The following HK2 variants were observed in gnomAD, a reference collection of about 807,000 sequenced individuals.
The protein encoded by HK2 is hexokinase 2, also known as hexokinase-2.
HK2 carries 42 observed loss-of-function variants against 92.9 expected under a neutral mutation model. The ratio of observed to expected loss-of-function variants is 0.45; its 90% CI spans 0.35 to 0.58. The LOEUF is 0.58. Ranked by LOEUF, HK2 falls within the 20% of genes least tolerant of loss-of-function variation. HK2 has a pLI of 0.00. For missense variants in HK2, 978 were observed against 1,245.1 expected, an observed-to-expected ratio of 0.79 and a Z score of 3.23; for synonymous variants, 422 against 468.0, an observed-to-expected ratio of 0.90 and a Z score of 1.27.
intron 4 of HK2, among the ~76,000 whole-genome samples, chr2:74,872,754 G>C (rs1274730124): frequency 6.6e-6 from 1 of 152,130 alleles, no homozygotes; most frequent in Non-Finnish European, 1.5e-5. Flanking sequence ...ATGATGTAAG[G>C]ACACAAGTAC....
chr2:74,859,626 C>T (rs923912227), intron 2 of HK2, among the ~76,000 whole-genome samples: 6 of 151,974 alleles, frequency 3.9e-5, no homozygotes, highest in Admixed American at 3.9e-4. Flanking sequence ...CAGAGCGAGA[C>T]TCCATCTCAA....
chr2:74,857,607 C>T (rs964007567), intron 2 of HK2, among the ~76,000 whole-genome samples: 4 of 152,136 alleles, frequency 2.6e-5, no homozygotes, highest in African/African-American at 9.7e-5. Context: ...AGTTGCGCCA[C>T]TGCACTCCAG....
At chr2:74,877,366 A>T in intron 8 of HK2, 45 bp downstream of exon 8, 1 of 1,608,670 alleles carries the variant, frequency 6.2e-7, no homozygotes, top group Non-Finnish European at 8.5e-7. Flanking sequence ...TCACCACACG[A>T]GTTGACGGGT....
rs1688105120 is a variant in HK2 at position 74,834,637 on chromosome 2, G to A, written c.57G>A (p.Val19=). 1.2e-6 allele frequency: 2 copies of A among 1,613,960 alleles called. No homozygotes were observed. The highest frequency in any genetic ancestry group is 2.7e-5 in the African/African-American group (2 of 75,050). ...YFFTELNHDQ[V]QKVDQYLYHM... ...TCACGGAGCTCAACCATGACCAAGTGCAGAAGGTAAGTCAGCGCGGGCGGG... is the reference window on the plus strand; with the variant it reads ...TCACGGAGCTCAACCATGACCAAGTACAGAAGGTAAGTCAGCGCGGGCGGG... The change falls in exon 1 of 18, where the codon GTG becomes GTA. Residue 19 remains valine (V), a synonymous_variant. Transcript: ENST00000290573. The surrounding 1 kb of genome is among the most constrained non-coding windows in gnomAD (Gnocchi z 4.2).
At chr2:74,877,818 G>A (rs3771758) in intron 8 of HK2, among the ~76,000 whole-genome samples, 26,703 of 152,154 alleles carry the variant, frequency 0.18, 2,426 homozygotes, top group African/African-American at 0.18. Context: ...CAGCCCAGCA[G>A]GGGCAAGAGT....
intron 2 of HK2, among the ~76,000 whole-genome samples, chr2:74,857,723 T>C (rs1447586444): frequency 6.6e-6 from 1 of 152,168 alleles, no homozygotes; most frequent in Non-Finnish European, 1.5e-5. Flanking sequence ...GCTTTGTCAG[T>C]TGGGGGTATG....
chr2:74,842,687 T>A (rs1688341768), intron 1 of HK2, among the ~76,000 whole-genome samples: 1 of 152,136 alleles, frequency 6.6e-6, no homozygotes, highest in African/African-American at 2.4e-5. Context: ...GAAGGATGCG[T>A]CCACCGTGCT....
chr2:74,855,401 G>C (rs183579703), intron 2 of HK2, among the ~76,000 whole-genome samples: 1 of 152,036 alleles, frequency 6.6e-6, no homozygotes, highest in Non-Finnish European at 1.5e-5. Context: ...ATGGAGTCTC[G>C]CTCTGTCACC....
At chr2:74,848,997 G>A (rs1205888323) in intron 1 of HK2, among the ~76,000 whole-genome samples, 2 of 152,162 alleles carry the variant, frequency 1.3e-5, no homozygotes, top group East Asian at 3.8e-4. Context: ...TTCCTTCCTG[G>A]GCTTCCCCAT....
intron 1 of HK2, among the ~76,000 whole-genome samples, chr2:74,852,401 G>A (rs942841032): frequency 2.6e-5 from 4 of 152,206 alleles, no homozygotes; most frequent in Admixed American, 2.0e-4. Flanking sequence ...CTAGAGATTT[G>A]TCTGACACTT....
intron 2 of HK2, among the ~76,000 whole-genome samples, chr2:74,855,370 TAC>T (rs1688670344): frequency 1.3e-5 from 2 of 152,208 alleles, no homozygotes; most frequent in Admixed American, 1.3e-4. Flanking sequence ...CTTATTTGGA[TAC>T]AGAGTACTTT....
At chr2:74,874,547 T>C (rs1689181482) in intron 7 of HK2, 98 bp downstream of exon 7, 1 of 1,207,006 alleles carries the variant, frequency 8.3e-7, no homozygotes, top group East Asian at 2.6e-5. Context: ...CAGTCTTACA[T>C]CCCCAAAGCT....
chr2:74,890,454 C>G (rs967014455), intron 17 of HK2, among the ~76,000 whole-genome samples: 1 of 152,188 alleles, frequency 6.6e-6, no homozygotes, highest in African/African-American at 2.4e-5. Flanking sequence ...CTGTTAGGCA[C>G]ACTTGTGGCT....
At chr2:74,861,693 A>G (rs547739257) in intron 2 of HK2, among the ~76,000 whole-genome samples, 3 of 152,190 alleles carry the variant, frequency 2.0e-5, no homozygotes, top group African/African-American at 7.2e-5. Flanking sequence ...TGCTGAACCA[A>G]AGTTTCTAGG....
chr2:74,860,962 G>T (rs1688811953), intron 2 of HK2, among the ~76,000 whole-genome samples: 2 of 151,896 alleles, frequency 1.3e-5, no homozygotes, highest in South Asian at 4.2e-4. Context: ...GCATTCATTT[G>T]CGTTTGCTAG....
rs1402073221 is a variant in HK2, at chr2:74,891,157, A to G, written c.*216A>G. On this transcript the variant is annotated 3_prime_UTR_variant, in exon 18 of 18. Transcript: ENST00000290573. ...TAGAGTTCCAAATAAGGATTTGTTC[A>G]CATGCATCATAACCATTCCCATTGG... The G allele has an allele frequency of 1.7e-6, 1 of 584,762 alleles. No homozygotes were observed. Among genetic ancestry groups the G allele is most frequent in the African/African-American group, 1.9e-5 (1 of 53,548 alleles). 36.2% of individuals were successfully genotyped at this position (584,762 alleles called of 1,614,324 possible).
intron 1 of HK2, among the ~76,000 whole-genome samples, chr2:74,841,861 A>G (rs1157604190): frequency 1.3e-5 from 2 of 152,368 alleles, no homozygotes; most frequent in South Asian, 2.1e-4. Context: ...CAAGACAGGC[A>G]TGTGAGCTGG....
intron 1 of HK2, among the ~76,000 whole-genome samples, chr2:74,846,849 C>G (rs1045081389): frequency 5.3e-5 from 8 of 152,220 alleles, no homozygotes; most frequent in African/African-American, 1.9e-4. Context: ...TTAAAGCAGA[C>G]GAAAGTAGTC....
chr2:74,860,568 GTGT>G (rs1197064886), intron 2 of HK2, among the ~76,000 whole-genome samples: 2 of 152,136 alleles, frequency 1.3e-5, no homozygotes, highest in Non-Finnish European at 2.9e-5. Flanking sequence ...GGATTTATCT[GTGT>G]TGTGTCTATC....
Sources: allele counts gnomAD v4.1 joint callset (sites outside exome capture counted in the v4.1 genomes callset), GRCh38; gene constraint gnomAD v4.1.1; non-coding constraint Gnocchi (gnomAD v3.1); transcripts MANE v1.5; gene names NCBI Gene and HGNC (gene_info 2026-07-23, HGNC 2026-07-21).